The following SUMF1 variants were observed in gnomAD, a reference collection of about 807,000 sequenced individuals.
SUMF1 encodes the protein sulfatase modifying factor 1.
Under a neutral mutation model 47.6 loss-of-function variants are expected in SUMF1, and 48 were observed. That is an observed-to-expected ratio of 1.01 (90% confidence interval 0.80 to 1.28). The LOEUF is 1.28. SUMF1 is among the 50% of genes most tolerant of loss of function. SUMF1 has a pLI of 0.00. For missense variants in SUMF1, 571 were observed against 485.4 expected (o/e 1.18, Z -1.66); for synonymous variants, 230 against 192.1 (o/e 1.20, Z -1.63).
At position 4,303,405 on chromosome 3, in the gene SUMF1, G is replaced by C. The variant is rs1040395277; in HGVS notation, c.1014+72925C>G. 2 of 1,559,230 alleles carry C rather than the reference G, an allele frequency of 1.3e-6. No homozygotes were observed. Among genetic ancestry groups the C allele is most frequent in the Admixed American group, 1.9e-5 (1 of 51,434 alleles). ...GAAGCGGCAAAGACGACACGGCCTT[G>C]TGGGATGGCGGAGTTTAAGGAGAAG... is the stretch of plus-strand genomic sequence containing the variant. On this transcript the variant is annotated intron_variant and NMD_transcript_variant, in intron 8 of 12. Transcript: ENST00000448413.
chr3:4,204,141 C>CT (rs1559562414), intron 8 of SUMF1, among the ~76,000 whole-genome samples: 1 of 151,978 alleles, frequency 6.6e-6, no homozygotes, highest in Non-Finnish European at 1.5e-5. Flanking sequence ...TGAAGAATTC[C>CT]TTTTAACATT....
At chr3:4,231,598 TC>T (rs2124983468) in intron 8 of SUMF1, among the ~76,000 whole-genome samples, 1 of 152,292 alleles carries the variant, frequency 6.6e-6, no homozygotes, top group South Asian at 2.1e-4. Flanking sequence ...ATATGCCCTT[TC>T]CTGCTTTGCA....
At chr3:4,189,816 G>T (rs1488341978) in intron 8 of SUMF1, among the ~76,000 whole-genome samples, 1 of 152,010 alleles carries the variant, frequency 6.6e-6, no homozygotes, top group Non-Finnish European at 1.5e-5. Context: ...CACATTTCCA[G>T]CCCCACACTC....
chr3:4,148,800 C>A (rs1694252830), intron 8 of SUMF1, among the ~76,000 whole-genome samples: 2 of 152,110 alleles, frequency 1.3e-5, no homozygotes, highest in African/African-American at 4.8e-5. Flanking sequence ...TAAACTAGAT[C>A]TCTATAGACC....
At chr3:4,240,697 AT>A (rs1357744855) in intron 8 of SUMF1, among the ~76,000 whole-genome samples, 1 of 152,154 alleles carries the variant, frequency 6.6e-6, no homozygotes, top group African/African-American at 2.4e-5. Context: ...TACCCATTTC[AT>A]AAAATGTTAT....
chr3:4,101,648 T>A (rs1693035521), intron 8 of SUMF1, among the ~76,000 whole-genome samples: 1 of 152,142 alleles, frequency 6.6e-6, no homozygotes, highest in South Asian at 2.1e-4. Context: ...ATTTTTAATG[T>A]TCTCACTGCA....
chr3:4,281,379 G>A (rs1030564548), intron 8 of SUMF1, among the ~76,000 whole-genome samples: 3 of 152,126 alleles, frequency 2.0e-5, no homozygotes, highest in African/African-American at 7.2e-5. Context: ...GAAAAGGAAA[G>A]AGTAACTGAG....
intron 8 of SUMF1, among the ~76,000 whole-genome samples, chr3:4,075,072 T>C (rs1005676234): frequency 6.6e-6 from 1 of 152,140 alleles, no homozygotes; most frequent in Non-Finnish European, 1.5e-5. Flanking sequence ...ATATCCCTGA[T>C]GAACATCAAT....
intron 8 of SUMF1, among the ~76,000 whole-genome samples, chr3:4,131,191 G>A (rs1693780202): frequency 6.6e-6 from 1 of 152,174 alleles, no homozygotes; most frequent in Non-Finnish European, 1.5e-5. Flanking sequence ...CATGAAGTGT[G>A]TCATGCGCAG....
At chr3:4,084,433 T>C (rs1574868293) in intron 8 of SUMF1, among the ~76,000 whole-genome samples, 1 of 152,172 alleles carries the variant, frequency 6.6e-6, no homozygotes, top group East Asian at 1.9e-4. Flanking sequence ...GCCAATGGAA[T>C]GATGTGGAAA....
chr3:4,316,716 G>C, intron 8 of SUMF1: 1 of 1,550,960 alleles, frequency 6.4e-7, no homozygotes. Flanking sequence ...GCGACGATCA[G>C]CTCAGTGGTT....
At chr3:4,329,106 G>C (rs184532166) in intron 8 of SUMF1, among the ~76,000 whole-genome samples, 175 of 152,328 alleles carry the variant, frequency 1.1e-3, no homozygotes, top group South Asian at 2.3e-3. Context: ...GGCTTTGCAG[G>C]GTACAGCCCT....
chr3:4,261,317 G>C (rs1170250619), intron 8 of SUMF1, among the ~76,000 whole-genome samples: 2 of 152,128 alleles, frequency 1.3e-5, no homozygotes, highest in Non-Finnish European at 2.9e-5. Flanking sequence ...GTTTAGGATA[G>C]AGAGGACAAG....
rs1317572693 is a variant in SUMF1 at position 4,456,937 on chromosome 3, TGTGTGTAC to T, written c.271-3896_271-3889del. On this transcript the variant is annotated intron_variant, in intron 1 of 8. Transcript: ENST00000272902. Reference sequence around the variant, plus strand: ...ATACGTGTGTGTGTATATATATACGTGTGTGTACATATATACGTGTGTGTATATATATA... The same window carrying T: ...ATACGTGTGTGTGTATATATATACGTATATATACGTGTGTGTATATATATA... Among the ~76,000 whole-genome samples the T allele has an allele frequency of 2.6e-3, 329 of 128,064 alleles. 5 individuals carry two copies. Among genetic ancestry groups the T allele is most frequent in the East Asian group, 8.0e-3 (35 of 4,348 alleles). 84.0% of individuals were successfully genotyped at this position (128,064 alleles called of 152,430 possible).
chr3:4,041,494 C>T lies in SUMF1; in HGVS notation c.1191+27075G>A, dbSNP rs55866702. ...AGAGCTTCAGCACTGCAATCCTGCT[C>T]AGGTGGAAACTTAGTGAGTAAGAAG... On this transcript the variant is annotated intron_variant and NMD_transcript_variant, in intron 9 of 12. Coordinates refer to the SUMF1 transcript ENST00000448413. Among the ~76,000 whole-genome samples, 1,030 of 152,278 alleles carry T rather than the reference C, an allele frequency of 6.8e-3. 8 individuals carry two copies. Among genetic ancestry groups the T allele is most frequent in the Middle Eastern group, 0.02 (6 of 294 alleles).
intron 8 of SUMF1, among the ~76,000 whole-genome samples, chr3:4,097,358 G>T (rs1037506788): frequency 6.6e-6 from 1 of 152,072 alleles, no homozygotes; most frequent in African/African-American, 2.4e-5. Context: ...TTCAAGACCA[G>T]CCTGGCCAAG....
At chr3:4,161,515 A>G (rs1312313739) in intron 8 of SUMF1, among the ~76,000 whole-genome samples, 1 of 152,142 alleles carries the variant, frequency 6.6e-6, no homozygotes, top group Non-Finnish European at 1.5e-5. Flanking sequence ...AAATCGTAAG[A>G]CAAAGTCCTT....
At chr3:4,273,669 T>C (rs572606073) in intron 8 of SUMF1, among the ~76,000 whole-genome samples, 1 of 131,192 alleles carries the variant, frequency 7.6e-6, no homozygotes, top group East Asian at 2.3e-4. Context: ...TTATACTCAA[T>C]AAAGCAGAAA....
intron 8 of SUMF1, among the ~76,000 whole-genome samples, chr3:4,306,617 T>G (rs1201188817): frequency 6.6e-6 from 1 of 152,222 alleles, no homozygotes. Flanking sequence ...AGATCAAACA[T>G]GCTTGAAACA....
Sources: allele counts gnomAD v4.1 joint callset (sites outside exome capture counted in the v4.1 genomes callset), GRCh38; gene constraint gnomAD v4.1.1; transcripts MANE v1.5; gene names NCBI Gene and HGNC (gene_info 2026-07-23, HGNC 2026-07-21).